SPMIP2: variants seen among roughly 807,000 people sequenced by gnomAD.
SPMIP2 encodes the protein protein SPMIP2.
At chr4:158,987,791 A>C in the SPMIP2 span, among the ~76,000 whole-genome samples, 2 of 151,794 alleles carry the variant, frequency 1.3e-5, no homozygotes, top group African/African-American at 4.8e-5. Context: ...ATAATAAAAT[A>C]AAAATAAAAT....
the SPMIP2 span, among the ~76,000 whole-genome samples, chr4:159,031,035 C>T: frequency 1.3e-5 from 2 of 152,090 alleles, no homozygotes; most frequent in African/African-American, 2.4e-5. Flanking sequence ...CACAATTACA[C>T]AATATTTGCA....
At chr4:158,991,456 G>A in the SPMIP2 span, among the ~76,000 whole-genome samples, 16 of 152,242 alleles carry the variant, frequency 1.1e-4, no homozygotes, top group Admixed American at 3.3e-4. Context: ...TTGATAGGAT[G>A]GTCAACGTGT....
chr4:158,949,105 C>T, the SPMIP2 span, among the ~76,000 whole-genome samples: 4 of 152,222 alleles, frequency 2.6e-5, no homozygotes, highest in South Asian at 8.3e-4. Flanking sequence ...ATATAGTATA[C>T]AATTTCTAGA....
the SPMIP2 span, among the ~76,000 whole-genome samples, chr4:158,956,224 T>C: frequency 6.6e-6 from 1 of 152,252 alleles, no homozygotes; most frequent in Non-Finnish European, 1.5e-5. Context: ...CACTAGCGGC[T>C]CTCAGCCCTG....
the SPMIP2 span, chr4:158,904,733 T>C: frequency 1.7e-6 from 1 of 578,442 alleles, no homozygotes; most frequent in African/African-American, 1.9e-5. Context: ...CTTGACATAA[T>C]AGCATTTGTG....
the SPMIP2 span, among the ~76,000 whole-genome samples, chr4:159,066,915 C>T: frequency 2.0e-5 from 3 of 152,220 alleles, no homozygotes; most frequent in Admixed American, 6.5e-5. Flanking sequence ...TGTAAACAAA[C>T]GGGCATGTTT....
At chr4:158,933,918 C>A in the SPMIP2 span, among the ~76,000 whole-genome samples, 2 of 152,154 alleles carry the variant, frequency 1.3e-5, no homozygotes. Flanking sequence ...AATCTAGACA[C>A]AAATGCCTGA....
At chr4:159,063,814 A>C in the SPMIP2 span, among the ~76,000 whole-genome samples, 1 of 152,200 alleles carries the variant, frequency 6.6e-6, no homozygotes, top group Non-Finnish European at 1.5e-5. Context: ...AATCAACAAA[A>C]TTGGTTTGAG....
At chr4:158,976,406 T>C in the SPMIP2 span, among the ~76,000 whole-genome samples, 1 of 152,202 alleles carries the variant, frequency 6.6e-6, no homozygotes, top group African/African-American at 2.4e-5. Context: ...CCATTCATTA[T>C]GATATTGGCT....
the SPMIP2 span, among the ~76,000 whole-genome samples, chr4:158,894,561 A>G: frequency 1.9e-4 from 29 of 152,322 alleles, no homozygotes; most frequent in South Asian, 5.2e-3. Context: ...TACAGTTTTC[A>G]TATAGGCTGT....
At chr4:159,042,863 A>G in the SPMIP2 span, among the ~76,000 whole-genome samples, 1 of 152,100 alleles carries the variant, frequency 6.6e-6, no homozygotes, top group East Asian at 1.9e-4. Flanking sequence ...GAGTTTTGCC[A>G]TGTTGCTCAG....
chr4:158,975,226 A>T, the SPMIP2 span, among the ~76,000 whole-genome samples: 1 of 151,500 alleles, frequency 6.6e-6, no homozygotes, highest in Non-Finnish European at 1.5e-5. Flanking sequence ...GATTGCAAAA[A>T]TTTTCTCCCG....
At chr4:159,035,325 A>T in the SPMIP2 span, 1 of 454,248 alleles carries the variant, frequency 2.2e-6, no homozygotes. Flanking sequence ...GTCTTCCCAG[A>T]ACTTGCATCC....
At chr4:158,896,667 G>C in the SPMIP2 span, among the ~76,000 whole-genome samples, 4 of 151,846 alleles carry the variant, frequency 2.6e-5, no homozygotes, top group African/African-American at 9.7e-5. Flanking sequence ...TGTGTTGTTC[G>C]GCTCTTGGCA....
chr4:159,063,386 C>T, the SPMIP2 span, among the ~76,000 whole-genome samples: 28,744 of 151,646 alleles, frequency 0.19, 2,740 homozygotes, highest in Admixed American at 0.25. Flanking sequence ...TGGTGAAACG[C>T]CTTCTCTATA....
chr4:158,995,717 C>T, the SPMIP2 span, among the ~76,000 whole-genome samples: 48 of 151,908 alleles, frequency 3.2e-4, no homozygotes, highest in Non-Finnish European at 4.3e-4. Context: ...ATTAGCTGGG[C>T]GTGGTGGCGT....
the SPMIP2 span, among the ~76,000 whole-genome samples, chr4:159,074,351 A>G: frequency 6.6e-6 from 1 of 152,134 alleles, no homozygotes; most frequent in Non-Finnish European, 1.5e-5. Flanking sequence ...TGAAATGGGC[A>G]CAATGACTTC....
At chr4:158,978,596 G>A in the SPMIP2 span, among the ~76,000 whole-genome samples, 1 of 152,158 alleles carries the variant, frequency 6.6e-6, no homozygotes, top group Admixed American at 6.5e-5. Flanking sequence ...GAATCTGGGT[G>A]CTCCTGTACT....
the SPMIP2 span, among the ~76,000 whole-genome samples, chr4:159,011,610 C>T: frequency 2.0e-5 from 3 of 151,682 alleles, no homozygotes; most frequent in Admixed American, 6.6e-5. Flanking sequence ...AAATACATGC[C>T]GGGCATGGTG....
Sources: allele counts gnomAD v4.1 joint callset (sites outside exome capture counted in the v4.1 genomes callset), GRCh38; gene constraint gnomAD v4.1.1; transcripts MANE v1.5; gene names NCBI Gene and HGNC (gene_info 2026-07-23, HGNC 2026-07-21).